Variants in TTC7A observed in about 807,000 individuals in gnomAD.
TTC7A encodes the protein tetratricopeptide repeat protein 7A.
TTC7A carries 110 observed loss-of-function variants against 103.7 expected under a neutral mutation model. The ratio of observed to expected loss-of-function variants is 1.06; its 90% CI spans 0.91 to 1.24. The LOEUF (loss-of-function observed/expected upper bound fraction) is 1.24. TTC7A is among the 50% of genes most tolerant of loss of function. The probability of loss-of-function intolerance (pLI) is 0.00; values close to 1 mark genes in which losing one functional copy is unlikely to be tolerated. For missense variants in TTC7A, 1,340 were observed against 1,116.3 expected, an observed-to-expected ratio of 1.20 and a Z score of -2.86; for synonymous variants, 521 against 467.9, an observed-to-expected ratio of 1.11 and a Z score of -1.47.
rs1012329660 is a variant in TTC7A at position 47,005,998 on chromosome 2, C to T, written c.1142C>T (p.Ala381Val). ...ACAGTGAGCTTGCAGAATGCCGCAG[C>T]CATCTATGACCTCCTGAGCATCACG... is the stretch of plus-strand genomic sequence containing the variant. ...DRTVSLQNAA[A>V]IYDLLSITLG... Residue 381 changes from alanine to valine, a missense_variant, in exon 9 of 20, where the codon GCC (alanine) becomes GTC (valine). By Grantham distance (64) the Ala-to-Val change is moderately conservative (BLOSUM62 0). Transcript: ENST00000319190. The T allele has an allele frequency of 1.2e-6, 2 of 1,613,864 alleles. No homozygotes were observed. The highest frequency in any genetic ancestry group is 8.5e-7 in the Non-Finnish European group (1 of 1,180,016).
chr2:47,021,929 C>G lies in TTC7A; in HGVS notation c.1460C>G (p.Pro487Arg), dbSNP rs771473503. ...SLGEEAGEFL[P>R]KGYLALGLTY... is the part of the protein sequence containing the mutation. ...GGAGAGGAAGCCGGGGAGTTCCTCC[C>G]CAAGGGCTACCTGGCTCTGGGTCTC... The change falls in exon 12 of 20, where the codon CCC becomes CGC. Residue 487 changes from proline to arginine, a missense_variant. Coordinates refer to ENST00000319190, the MANE Select transcript of TTC7A (RefSeq NM_020458.4). 7.4e-6 allele frequency: 12 copies of G among 1,614,142 alleles called. No homozygotes were observed. The South Asian group carries it at 1.3e-4, about 18-fold the overall frequency.
rs751550092 is a variant in TTC7A, at chr2:46,941,612, G to C, written c.71G>C (p.Gly24Ala). Reference sequence around the variant, plus strand: ...GAGCTGGAGCGCTGCCGCGCCGAGGGCCACTGGGACCGCATGCCGGAGCTG... The same window carrying C: ...GAGCTGGAGCGCTGCCGCGCCGAGGCCCACTGGGACCGCATGCCGGAGCTG... ...ESELERCRAE[G>A]HWDRMPELVR... The change falls in exon 1 of 20, where the codon GGC becomes GCC. Residue 24 changes from glycine (G) to alanine (A), a missense_variant. Gly to Ala is a moderately conservative substitution (Grantham distance 60). Transcript: ENST00000319190. The surrounding 1 kb of genome is among the most constrained non-coding windows in gnomAD (Gnocchi z 4.2). The C allele has an allele frequency of 3.1e-5, 48 of 1,556,440 alleles. No homozygotes were observed. In the African/African-American group the frequency reaches 6.5e-4, roughly 21 times the overall value.
intron 15 of TTC7A, among the ~76,000 whole-genome samples, chr2:47,041,909 A>G (rs1416745502): frequency 6.6e-6 from 1 of 151,208 alleles, no homozygotes; most frequent in African/African-American, 2.4e-5. Context: ...AATTGAAATG[A>G]CAGATTAACG....
chr2:47,042,769 G>A (rs768242262), intron 15 of TTC7A, among the ~76,000 whole-genome samples: 9 of 152,138 alleles, frequency 5.9e-5, no homozygotes, highest in Non-Finnish European at 1.0e-4. Context: ...GAAGGACAGC[G>A]TGGTCACATA....
chr2:47,072,793 A>T (rs1684875925), intron 19 of TTC7A, among the ~76,000 whole-genome samples: 1 of 109,778 alleles, frequency 9.1e-6, no homozygotes, highest in Non-Finnish European at 1.8e-5. Context: ...CCTTTGTGGG[A>T]CCTGAGGCTG....
At position 46,955,541 on chromosome 2, in the gene TTC7A, C is replaced by T. The variant is rs374782509; in HGVS notation, c.349-1298C>T. Among the ~76,000 whole-genome samples, 19 of 152,034 alleles carry T rather than the reference C, an allele frequency of 1.2e-4. No homozygotes were observed. In the East Asian group the frequency reaches 2.1e-3, roughly 17 times the overall value. On this transcript the variant is annotated intron_variant, in intron 2 of 19. Coordinates refer to ENST00000319190, the MANE Select transcript of TTC7A (RefSeq NM_020458.4). The stretch of plus-strand genomic sequence containing the variant: ...GGAGAAGGTGGGCCTGAGCAAGGCC[C>T]CAAAGGATAGAAGAGGACCTGGTTA...
intron 3 of TTC7A, among the ~76,000 whole-genome samples, chr2:46,970,182 G>T (rs1429496631): frequency 1.3e-5 from 2 of 152,102 alleles, no homozygotes; most frequent in Non-Finnish European, 2.9e-5. Context: ...GGGGGACGGG[G>T]TTTCACCATG....
At chr2:46,999,512 C>G (rs1476453047) in intron 8 of TTC7A, 1 of 985,316 alleles carries the variant, frequency 1.0e-6, no homozygotes, top group Non-Finnish European at 1.2e-6. Context: ...GGACCATGCT[C>G]AGCAATGTAA....
At chr2:47,034,874 GAAT>G (rs974491015) in intron 15 of TTC7A, among the ~76,000 whole-genome samples, 1 of 152,174 alleles carries the variant, frequency 6.6e-6, no homozygotes, top group African/African-American at 2.4e-5. Context: ...CCCAGTACAG[GAAT>G]AATATGGGCT....
intron 2 of TTC7A, among the ~76,000 whole-genome samples, chr2:46,953,442 A>G (rs909280379): frequency 3.7e-4 from 56 of 152,214 alleles, no homozygotes; most frequent in African/African-American, 1.3e-3. Context: ...GGCGTGAGCC[A>G]CCATGCCCGG....
upstream of TTC7A, chr2:46,941,056 G>A (rs1172512162): frequency 6.6e-6 from 1 of 151,106 alleles, no homozygotes; most frequent in East Asian, 2.0e-4. This position sits in a 1 kb window ranked among gnomAD's most constrained non-coding sequence, Gnocchi z 4.2. Context: ...CGGCGGCGGG[G>A]GGCGGGTACC....
At position 46,941,411 on chromosome 2, in the gene TTC7A, C is replaced by G; in HGVS notation, c.-131C>G. On this transcript the variant is annotated 5_prime_UTR_variant, in exon 1 of 20. Coordinates refer to ENST00000319190, the MANE Select transcript of TTC7A (RefSeq NM_020458.4). The surrounding 1 kb of genome is among the most constrained non-coding windows in gnomAD (Gnocchi z 4.2). ...CCACCCTCCGCCGCCCGGGCCCCCG[C>G]TGCCGCCCGGGCCCCGGCTGCCGTC... 2 of 877,104 alleles carry G rather than the reference C, an allele frequency of 2.3e-6. No individual in the cohort carries two copies. The highest frequency in any genetic ancestry group is 1.5e-6 in the Non-Finnish European group (1 of 687,740). 54.3% of individuals were successfully genotyped at this position (877,104 alleles called of 1,614,324 possible). A position where few individuals can be genotyped will look rare whatever the true frequency, so the allele number is the denominator to read the frequency against.
rs553994940 is a variant in TTC7A at position 47,073,842 on chromosome 2, C to T, written c.2496C>T (p.Ala832=). The T allele has an allele frequency of 4.6e-5, 75 of 1,613,790 alleles. No individual in the cohort carries two copies. In the East Asian group the frequency reaches 5.3e-4, roughly 12 times the overall value. ...VLQAQGQNEA[A]VDCFLTALEL... ...AGGCCCAGGGCCAGAACGAGGCTGC[C>T]GTTGACTGCTTCCTCACCGCCCTTG... Residue 832 remains alanine, a synonymous_variant, in exon 20 of 20, where the codon GCC becomes GCT. Coordinates refer to ENST00000319190, the MANE Select transcript of TTC7A (RefSeq NM_020458.4).
intron 5 of TTC7A, among the ~76,000 whole-genome samples, chr2:46,981,202 G>A (rs1186491721): frequency 6.6e-6 from 1 of 151,500 alleles, no homozygotes; most frequent in African/African-American, 2.4e-5. Flanking sequence ...CATCTTTCGT[G>A]TTTTTCTATG....
chr2:46,926,029 A>C (rs1419147159), intron 2 of TTC7A, among the ~76,000 whole-genome samples: 1 of 152,164 alleles, frequency 6.6e-6, no homozygotes, highest in East Asian at 1.9e-4. Flanking sequence ...GCTCATTCTC[A>C]GAGACTTACT....
chr2:46,980,526 A>G (rs1865260), intron 5 of TTC7A, among the ~76,000 whole-genome samples: 26,369 of 152,098 alleles, frequency 0.17, 2,462 homozygotes, highest in Admixed American at 0.2. Context: ...TTTATACTCA[A>G]TACAACACAG....
intron 11 of TTC7A, among the ~76,000 whole-genome samples, chr2:47,012,658 A>G (rs1341719306): frequency 1.3e-5 from 2 of 152,054 alleles, no homozygotes; most frequent in African/African-American, 4.8e-5. Context: ...CACAAATTCC[A>G]TGTTCCAACC....
intron 16 of TTC7A, chr2:47,047,277 G>A: frequency 1.3e-6 from 2 of 1,548,624 alleles, no homozygotes; most frequent in Non-Finnish European, 1.7e-6. Flanking sequence ...GACTTTAGGA[G>A]CCCAGAAGGC....
At chr2:46,989,721 A>G (rs1344842827) in intron 5 of TTC7A, among the ~76,000 whole-genome samples, 1 of 151,898 alleles carries the variant, frequency 6.6e-6, no homozygotes, top group Non-Finnish European at 1.5e-5. Flanking sequence ...CTGGGAGCTT[A>G]CATGCTAGAG....
Sources: gnomAD v4.1 joint callset for allele counts (sites outside exome capture counted in the v4.1 genomes callset) on GRCh38, gnomAD v4.1.1 for gene constraint, Gnocchi (gnomAD v3.1) non-coding constraint, MANE v1.5 for transcripts, NCBI Gene and HGNC (gene_info 2026-07-23, HGNC 2026-07-21) for gene names.